The following ZNF644 variants were observed in gnomAD, a reference collection of about 807,000 sequenced individuals.
ZNF644 encodes zinc finger protein 644, also known as zinc finger motif enhancer binding protein 2.
In ZNF644, 20 loss-of-function variants were observed where a neutral mutation model predicts 108.0. The ratio of observed to expected loss-of-function variants is 0.19; its 90% CI spans 0.13 to 0.27. The LOEUF (loss-of-function observed/expected upper bound fraction) is 0.27. Among genes scored for constraint, ZNF644 ranks in the 10% least tolerant of loss-of-function variants. The pLI, the probability that ZNF644 is intolerant of heterozygous loss-of-function variation, is 1.00. For synonymous variants in ZNF644, 542 were observed against 539.1 expected, an observed-to-expected ratio of 1.01 and a Z score of -0.08; for missense variants, 1,338 against 1,548.9, an observed-to-expected ratio of 0.86 and a Z score of 2.29.
At chr1:90,997,430 G>C (rs970122487) in intron 1 of ZNF644, among the ~76,000 whole-genome samples, 18 of 151,794 alleles carry the variant, frequency 1.2e-4, no homozygotes, top group African/African-American at 4.4e-4. Context: ...AGATTTCATA[G>C]AATTAGTTTC....
chr1:90,960,954 A>T (rs1654277917), intron 2 of ZNF644, among the ~76,000 whole-genome samples: 1 of 152,168 alleles, frequency 6.6e-6, no homozygotes, highest in Non-Finnish European at 1.5e-5. Flanking sequence ...GGTGAAATAC[A>T]GAACATGACC....
Position 90,938,741 on chromosome 1 carries a change from T to G in ZNF644, c.2613A>C (p.Thr871=). The G allele has an allele frequency of 6.2e-7, 1 of 1,613,988 alleles. No individual in the cohort carries two copies. Among genetic ancestry groups the G allele is most frequent in the Non-Finnish European group, 8.5e-7 (1 of 1,179,912 alleles). ...WDNVELGDYT[T]QAIEDETYSD... Reference sequence around the variant, plus strand: ...TATAGGTTTCATCTTCTATGGCCTGTGTAGTGTAGTCTCCTAACTCAACAT... The same window carrying G: ...TATAGGTTTCATCTTCTATGGCCTGGGTAGTGTAGTCTCCTAACTCAACAT... The change falls in exon 3 of 6, where the codon ACA becomes ACC. Residue 871 remains threonine, a synonymous_variant. Coordinates refer to ENST00000337393, the MANE Select transcript of ZNF644 (RefSeq NM_201269.3). The surrounding 1 kb of genome is among the most constrained non-coding windows in gnomAD (Gnocchi z 4.2).
At chr1:90,919,421 T>G (rs988206116) in intron 4 of ZNF644, among the ~76,000 whole-genome samples, 9 of 152,158 alleles carry the variant, frequency 5.9e-5, no homozygotes, top group African/African-American at 2.2e-4. Context: ...GAATAGATGC[T>G]ACTATTACAA....
chr1:90,987,991 T>C (rs991491302), intron 1 of ZNF644, among the ~76,000 whole-genome samples: 10 of 152,070 alleles, frequency 6.6e-5, no homozygotes, highest in Non-Finnish European at 1.0e-4. Context: ...TCCTCTAAGA[T>C]AGAGAACAAA....
intron 2 of ZNF644, among the ~76,000 whole-genome samples, chr1:90,981,510 A>C (rs1656550347): frequency 1.3e-5 from 2 of 152,144 alleles, no homozygotes; most frequent in African/African-American, 2.4e-5. Flanking sequence ...GAGATCAGCA[A>C]ATTTTTGACA....
intron 2 of ZNF644, among the ~76,000 whole-genome samples, chr1:90,943,169 C>T (rs529646154): frequency 3.9e-5 from 6 of 152,122 alleles, no homozygotes; most frequent in Admixed American, 2.6e-4. Flanking sequence ...AGGCTGGGCG[C>T]GGTGGCTCAC....
At chr1:90,983,454 G>A (rs1352500118) in intron 1 of ZNF644, among the ~76,000 whole-genome samples, 1 of 128,484 alleles carries the variant, frequency 7.8e-6, no homozygotes, top group Non-Finnish European at 1.6e-5. Context: ...CCTGATCCCT[G>A]AAATCTGACA....
chr1:90,934,678 T>C (rs1033357730), intron 4 of ZNF644, among the ~76,000 whole-genome samples: 3 of 152,216 alleles, frequency 2.0e-5, no homozygotes. Context: ...AATGTGCATG[T>C]TAACACTTAT....
intron 2 of ZNF644, among the ~76,000 whole-genome samples, chr1:90,975,445 T>TC (rs1441871375): frequency 6.6e-6 from 1 of 150,586 alleles, no homozygotes; most frequent in East Asian, 1.9e-4. Context: ...ACTTTTTTTT[T>TC]TTTTTTTTTT....
chr1:91,021,045 G>C (rs1660858526), intron 1 of ZNF644: 1 of 152,202 alleles, frequency 6.6e-6, no homozygotes, highest in Non-Finnish European at 1.5e-5. Context: ...GTCTGTAGAA[G>C]TCTCGTAACA....
chr1:91,017,106 T>C (rs1222012715), intron 1 of ZNF644, among the ~76,000 whole-genome samples: 5 of 152,204 alleles, frequency 3.3e-5, no homozygotes, highest in African/African-American at 1.2e-4. Flanking sequence ...GTGCTGGGAT[T>C]ACAGGTGTGA....
At chr1:91,013,478 CACACAT>C (rs1423428005) in intron 1 of ZNF644, among the ~76,000 whole-genome samples, 1,287 of 117,912 alleles carry the variant, frequency 0.011, 28 homozygotes, top group African/African-American at 0.033. Flanking sequence ...CACACACACA[CACACAT>C]ACACACACAC....
chr1:90,941,090 A>C lies in ZNF644; in HGVS notation c.264T>G (p.Ser88Arg), dbSNP rs1651925261. The C allele has an allele frequency of 2.5e-6, 4 of 1,614,128 alleles. No homozygotes were observed. Among genetic ancestry groups the C allele is most frequent in the Non-Finnish European group, 3.4e-6 (4 of 1,179,962 alleles). The change falls in exon 3 of 6, where the codon AGT becomes AGG. Residue 88 changes from serine to arginine, a missense_variant. Physicochemically the swap from Ser to Arg is moderately radical, Grantham distance 110. Around this residue, in one of 6 missense-constraint regions of ZNF644, gnomAD observed 464 missense variants for 457.9 expected, o/e 1.01. Coordinates refer to ENST00000337393, the MANE Select transcript of ZNF644 (RefSeq NM_201269.3). ...GTATAAATAGACTAGACTGGCCTCC[A>C]CTTAAGGCGTTTTCAGATTTGTCCT... ...LSKDKSENAL[S>R]GGQSSLFIHA...
chr1:90,952,875 C>T (rs1303007736), intron 2 of ZNF644, among the ~76,000 whole-genome samples: 1 of 151,786 alleles, frequency 6.6e-6, no homozygotes, highest in Non-Finnish European at 1.5e-5. Context: ...GCACCTGGAA[C>T]TCTGAGATGA....
At chr1:90,994,170 G>C (rs1011917638) in intron 1 of ZNF644, among the ~76,000 whole-genome samples, 2 of 152,208 alleles carry the variant, frequency 1.3e-5, no homozygotes, top group African/African-American at 4.8e-5. Flanking sequence ...GAACGATGTA[G>C]GTTAGAGCAG....
At chr1:90,937,216 T>C (rs1303343873) in intron 4 of ZNF644, among the ~76,000 whole-genome samples, 1 of 152,138 alleles carries the variant, frequency 6.6e-6, no homozygotes, top group Non-Finnish European at 1.5e-5. Context: ...TTGTTGTTTT[T>C]ATTGTGTGTG....
At chr1:91,021,723 C>T (rs961730644) in intron 1 of ZNF644, 13 of 244,050 alleles carry the variant, frequency 5.3e-5, no homozygotes, top group Non-Finnish European at 9.3e-5. Context: ...CCGCCGCGGC[C>T]GCCGCCTCCC....
rs979323074 is a variant in ZNF644 at position 91,004,995 on chromosome 1, A to G, written c.-18+16995T>C. ...AGATGTAAATTCCACTTTATTGGTA[A>G]TTATATTAAATGGAAATTAATCAGG... On this transcript the variant is annotated intron_variant, in intron 1 of 5. Coordinates refer to ENST00000337393, the MANE Select transcript of ZNF644 (RefSeq NM_201269.3). 2.6e-5 allele frequency among the ~76,000 whole-genome samples: 4 copies of G among 152,164 alleles called. No individual in the cohort carries two copies. In the South Asian group the frequency reaches 8.3e-4, roughly 31 times the overall value.
At chr1:90,961,356 G>C (rs547339863) in intron 2 of ZNF644, among the ~76,000 whole-genome samples, 1 of 152,232 alleles carries the variant, frequency 6.6e-6, no homozygotes, top group South Asian at 2.1e-4. Context: ...TAGGTCAAGG[G>C]TGCATGCTGT....
Sources: allele counts gnomAD v4.1 joint callset (sites outside exome capture counted in the v4.1 genomes callset), GRCh38; gene constraint gnomAD v4.1.1; regional missense constraint gnomAD v4.1.1; non-coding constraint Gnocchi (gnomAD v3.1); transcripts MANE v1.5; gene names NCBI Gene and HGNC (gene_info 2026-07-23, HGNC 2026-07-21).